CLASP2: variants seen among roughly 807,000 people sequenced by gnomAD.
The protein encoded by CLASP2 is cytoplasmic linker associated protein 2.
A neutral mutation model predicts 194.4 loss-of-function variants in CLASP2; 47 were observed. The ratio of observed to expected loss-of-function variants is 0.24; its 90% CI spans 0.19 to 0.31. CLASP2 has a LOEUF of 0.31. Among genes scored for constraint, CLASP2 ranks in the 10% least tolerant of loss-of-function variants. CLASP2 has a pLI of 1.00. For synonymous variants in CLASP2, 619 were observed against 633.5 expected (o/e 0.98, Z 0.34); for missense variants, 1,445 against 1,823.6 (o/e 0.79, Z 3.78).
chr3:33,558,705 A>G (rs960992522), intron 29 of CLASP2: 2 of 152,514 alleles, frequency 1.3e-5, no homozygotes, highest in African/African-American at 2.4e-5. Flanking sequence ...AAAAAAAAAG[A>G]AAGTTACTAT....
chr3:33,535,331 T>A lies in CLASP2; in HGVS notation c.3689A>T (p.Asp1230Val). The A allele has an allele frequency of 6.2e-7, 1 of 1,613,878 alleles. No individual in the cohort carries two copies. The highest frequency in any genetic ancestry group is 8.5e-7 in the Non-Finnish European group (1 of 1,179,830). The change falls in exon 34 of 39, where the codon GAC becomes GTC. Residue 1230 changes from aspartate to valine, a missense_variant. By Grantham distance (152) the Asp-to-Val change is radical. This residue lies in a region of CLASP2 where 732 missense variants were observed against 987.9 expected (regional missense o/e 0.74). Transcript: ENST00000682230. The stretch of plus-strand genomic sequence containing the variant: ...ATCTGAATAGTTATATGGATTATAG[T>A]CTCGAGAGCGTGGAGAGGAGTGAGT... ...MPTHSSPRSR[D>V]YNPYNYSDSI...
At chr3:33,702,244 T>C (rs948243114) in intron 1 of CLASP2, among the ~76,000 whole-genome samples, 8 of 152,136 alleles carry the variant, frequency 5.3e-5, no homozygotes, top group Admixed American at 2.0e-4. Context: ...CCTACAAAGC[T>C]TCTGTAATCA....
chr3:33,510,447 G>T (rs2049418683), intron 37 of CLASP2, 111 bp downstream of exon 37: 12 of 984,060 alleles, frequency 1.2e-5, no homozygotes, highest in Non-Finnish European at 1.8e-5. Context: ...GAATATTGCA[G>T]ACAAACGGGA....
At chr3:33,677,222 A>G (rs2088855838) in intron 6 of CLASP2, among the ~76,000 whole-genome samples, 1 of 152,290 alleles carries the variant, frequency 6.6e-6, no homozygotes, top group East Asian at 1.9e-4. Context: ...CCAAAGGACT[A>G]TAAATCATGC....
At chr3:33,544,051 C>T (rs1268722346) in intron 31 of CLASP2, among the ~76,000 whole-genome samples, 1 of 152,142 alleles carries the variant, frequency 6.6e-6, no homozygotes, top group Non-Finnish European at 1.5e-5. Flanking sequence ...CTTAAGCCTG[C>T]CATCAGTGTG....
intron 12 of CLASP2, among the ~76,000 whole-genome samples, chr3:33,616,732 T>TG (rs1256581248): frequency 4.1e-4 from 60 of 146,802 alleles, no homozygotes; most frequent in Non-Finnish European, 8.3e-4. Context: ...CCACTATACT[T>TG]CCTTTTTTTT....
chr3:33,550,777 A>G (rs1349679935), intron 30 of CLASP2, among the ~76,000 whole-genome samples: 1 of 152,194 alleles, frequency 6.6e-6, no homozygotes, highest in African/African-American at 2.4e-5. Flanking sequence ...TCAAATGTAA[A>G]TCTTTTCTAC....
At chr3:33,568,946 G>A (rs2154189880) in intron 26 of CLASP2, among the ~76,000 whole-genome samples, 1 of 152,268 alleles carries the variant, frequency 6.6e-6, no homozygotes, top group Admixed American at 6.5e-5. Flanking sequence ...GACATGTCTA[G>A]TATCCTTAAT....
chr3:33,718,144 G>A lies in CLASP2; in HGVS notation c.-142C>T. ...GCGCGGCTTGCGGGGCGCAGCGGGC[G>A]GCGGGAGGAACGCCAAGCGCCCAGC... On this transcript the variant is annotated 5_prime_UTR_variant, in exon 1 of 39. Coordinates refer to ENST00000682230, the MANE Select transcript of CLASP2 (RefSeq NM_001365631.1). 2.5e-6 allele frequency: 2 copies of A among 816,192 alleles called. No individual in the cohort carries two copies. The highest frequency in any genetic ancestry group is 3.4e-5 in the East Asian group (1 of 29,452). The allele number at this position is 816,192 out of a possible 1,614,324, so 50.6% of individuals were successfully genotyped here. A position where few individuals can be genotyped will look rare whatever the true frequency, so the allele number is the denominator to read the frequency against.
intron 21 of CLASP2, among the ~76,000 whole-genome samples, chr3:33,587,724 G>A (rs111989953): frequency 2.0e-5 from 3 of 152,120 alleles, no homozygotes; most frequent in African/African-American, 7.2e-5. Context: ...TAACCTTAAG[G>A]ATACTCATAT....
chr3:33,539,587 G>A (rs1399296040), intron 32 of CLASP2, among the ~76,000 whole-genome samples: 8 of 152,014 alleles, frequency 5.3e-5, no homozygotes, highest in Non-Finnish European at 1.2e-4. Flanking sequence ...CGCCCACCTC[G>A]GCCTCCCAAA....
chr3:33,575,630 A>G (rs578016608), intron 24 of CLASP2, among the ~76,000 whole-genome samples: 24 of 152,300 alleles, frequency 1.6e-4, no homozygotes, highest in Admixed American at 2.6e-4. Context: ...CAATCTTCTG[A>G]CAAGCTATCA....
At chr3:33,633,908 T>G (rs746172840) in intron 8 of CLASP2, among the ~76,000 whole-genome samples, 3 of 152,186 alleles carry the variant, frequency 2.0e-5, no homozygotes, top group Admixed American at 1.3e-4. Flanking sequence ...AACTAACATA[T>G]GTCTATTGGG....
intron 20 of CLASP2, among the ~76,000 whole-genome samples, chr3:33,594,085 C>T (rs1281219665): frequency 2.0e-5 from 3 of 152,160 alleles, no homozygotes; most frequent in South Asian, 2.1e-4. Flanking sequence ...TTCAACCAAT[C>T]CTCCTAGCTC....
intron 34 of CLASP2, among the ~76,000 whole-genome samples, chr3:33,522,897 C>T (rs1462698876): frequency 6.6e-6 from 1 of 152,222 alleles, no homozygotes; most frequent in East Asian, 1.9e-4. Flanking sequence ...GGTGAAACCC[C>T]GTCTCTACTA....
intron 3 of CLASP2, among the ~76,000 whole-genome samples, chr3:33,689,320 G>C (rs1011786098): frequency 6.6e-6 from 1 of 151,244 alleles, no homozygotes; most frequent in African/African-American, 2.4e-5. Flanking sequence ...GTCACAGAAA[G>C]CCAAAAACAA....
At chr3:33,567,232 T>C (rs952229969) in intron 26 of CLASP2, among the ~76,000 whole-genome samples, 3 of 152,222 alleles carry the variant, frequency 2.0e-5, no homozygotes, top group African/African-American at 7.2e-5. Context: ...TGCTTGGAAG[T>C]AATAAAAGTA....
At chr3:33,715,847 T>TAAAAAAAAAAA (rs59528446) in intron 1 of CLASP2, among the ~76,000 whole-genome samples, 2 of 62,134 alleles carry the variant, frequency 3.2e-5, no homozygotes, top group Non-Finnish European at 2.9e-5. Flanking sequence ...GTATCTTAAG[T>TAAAAAAAAAAA]AAAAAAAAAA....
intron 2 of CLASP2, among the ~76,000 whole-genome samples, chr3:33,696,061 C>G (rs955945084): frequency 2.2e-4 from 34 of 151,968 alleles, no homozygotes; most frequent in African/African-American, 8.2e-4. Context: ...TACAGACTGT[C>G]TATGATAAGG....
Sources: gnomAD v4.1 joint callset for allele counts (sites outside exome capture counted in the v4.1 genomes callset) on GRCh38, gnomAD v4.1.1 for gene constraint, gnomAD v4.1.1 regional missense constraint, MANE v1.5 for transcripts, NCBI Gene and HGNC (gene_info 2026-07-23, HGNC 2026-07-21) for gene names.